Variants in FGF12 observed in about 807,000 individuals in gnomAD.
The protein encoded by FGF12 is fibroblast growth factor 12B.
In FGF12, 14 loss-of-function variants were observed where a neutral mutation model predicts 23.6. The observed-to-expected ratio is 0.59, with a 90% confidence interval of 0.39 to 0.93. FGF12 has a LOEUF of 0.93. FGF12 is among the 40% of genes least tolerant of loss of function. The pLI is 0.00. For synonymous variants in FGF12, 62 were observed against 77.3 expected (o/e 0.80, Z 1.04); for missense variants, 175 against 217.8 (o/e 0.80, Z 1.24).
At chr3:192,348,783 C>T (rs1192875455) in intron 3 of FGF12, among the ~76,000 whole-genome samples, 1 of 152,082 alleles carries the variant, frequency 6.6e-6, no homozygotes, top group Admixed American at 6.5e-5. Flanking sequence ...TCTTTAAGGC[C>T]ATGGACTAAT....
chr3:192,416,046 G>A (rs1191720725), intron 2 of FGF12, among the ~76,000 whole-genome samples: 2 of 151,960 alleles, frequency 1.3e-5, no homozygotes, highest in African/African-American at 4.8e-5. Context: ...CCCAGCACAT[G>A]ACTGACACTC....
rs186665617 is a variant in FGF12 at position 192,714,020 on chromosome 3, G to A, written c.13+13161C>T. Among the ~76,000 whole-genome samples the A allele has an allele frequency of 2.5e-3, 379 of 152,282 alleles. 2 individuals carry two copies. Among genetic ancestry groups the A allele is most frequent in the Non-Finnish European group, 4.4e-3 (297 of 68,028 alleles). Reference sequence around the variant, plus strand: ...AGCAAAACCCCATGGCGATGATTTCGTACCAGAGCAGTTCTGAGATACTTA... The same window carrying A: ...AGCAAAACCCCATGGCGATGATTTCATACCAGAGCAGTTCTGAGATACTTA... On this transcript the variant is annotated intron_variant, in intron 2 of 5. Transcript: ENST00000445105.
At chr3:192,724,405 G>C (rs1719144261) in intron 2 of FGF12, among the ~76,000 whole-genome samples, 1 of 152,108 alleles carries the variant, frequency 6.6e-6, no homozygotes, top group Non-Finnish European at 1.5e-5. Flanking sequence ...TAATTTCATT[G>C]GTATGCGGTG....
At chr3:192,348,549 A>C (rs1718067966) in intron 3 of FGF12, among the ~76,000 whole-genome samples, 2 of 152,186 alleles carry the variant, frequency 1.3e-5, no homozygotes, top group South Asian at 4.1e-4. Flanking sequence ...TAGCCTGTCT[A>C]AAGTAAACCT....
intron 2 of FGF12, among the ~76,000 whole-genome samples, chr3:192,567,803 C>T (rs7432961): frequency 3.1e-4 from 31 of 99,804 alleles, no homozygotes; most frequent in East Asian, 1.9e-3. Flanking sequence ...CTTTCTTTCT[C>T]TTTCTTTCTT....
chr3:192,279,808 T>C lies in FGF12; in HGVS notation c.228+55553A>G, dbSNP rs1246115647. On this transcript the variant is annotated intron_variant, in intron 4 of 5. Coordinates refer to ENST00000445105, the MANE Select transcript of FGF12 (RefSeq NM_004113.6). The stretch of plus-strand genomic sequence containing the variant: ...TACATTTTCTGGGCTTGAGTTTCCA[T>C]GTCGATTAAATTAAGGAAATGGACT... Among the ~76,000 whole-genome samples, 4 of 152,300 alleles carry C rather than the reference T, an allele frequency of 2.6e-5. No individual in the cohort carries two copies. The East Asian group carries it at 5.8e-4, about 22-fold the overall frequency.
intron 4 of FGF12, among the ~76,000 whole-genome samples, chr3:192,271,290 C>A (rs189646079): frequency 3.3e-5 from 5 of 152,260 alleles, no homozygotes; most frequent in Admixed American, 2.6e-4. Context: ...ATTCTTTTCT[C>A]CTGTATTCTG....
intron 2 of FGF12, among the ~76,000 whole-genome samples, chr3:192,600,429 T>G (rs1006568419): frequency 6.6e-6 from 1 of 152,062 alleles, no homozygotes; most frequent in Non-Finnish European, 1.5e-5. Flanking sequence ...GTGAAGAATA[T>G]CATCGGTATT....
intron 2 of FGF12, among the ~76,000 whole-genome samples, chr3:192,557,301 C>T (rs1711827337): frequency 6.7e-6 from 1 of 149,968 alleles, no homozygotes; most frequent in Admixed American, 6.6e-5. Context: ...AACCTTTAGC[C>T]AGAGTATGAA....
In FGF12 at chr3:192,427,193, C is replaced by A. The variant is rs539669714; in HGVS notation, c.14-66655G>T. On this transcript the variant is annotated intron_variant, in intron 2 of 5. Transcript: ENST00000445105. ...GTCAGGAGTTCGAGACCAGCCTGAC[C>A]AACATGGTGAAACCCCGTCTCTACT... Among the ~76,000 whole-genome samples the A allele has an allele frequency of 1.4e-4, 21 of 152,010 alleles. No homozygotes were observed. The East Asian group carries it at 3.7e-3, about 27-fold the overall frequency.
At chr3:192,423,369 A>G (rs762224286) in intron 2 of FGF12, among the ~76,000 whole-genome samples, 3 of 152,160 alleles carry the variant, frequency 2.0e-5, no homozygotes, top group Non-Finnish European at 4.4e-5. Context: ...ATAAGTATGT[A>G]TCTAGAAGAG....
chr3:192,245,307 G>A (rs1711515640), intron 4 of FGF12, among the ~76,000 whole-genome samples: 1 of 151,664 alleles, frequency 6.6e-6, no homozygotes, highest in South Asian at 2.1e-4. Context: ...TCAGAAAAAT[G>A]GGGTCTCGCT....
chr3:192,712,240 CAAGT>C (rs1315354069), intron 2 of FGF12, among the ~76,000 whole-genome samples: 2 of 150,926 alleles, frequency 1.3e-5, no homozygotes, highest in African/African-American at 4.9e-5. Flanking sequence ...AAAATATAAA[CAAGT>C]AAGATTTCCA....
chr3:192,640,796 TTTG>T (rs1715766152), intron 2 of FGF12, among the ~76,000 whole-genome samples: 2 of 17,228 alleles, frequency 1.2e-4, no homozygotes, highest in Non-Finnish European at 1.9e-4. Flanking sequence ...ACCCCTTTTT[TTTG>T]TTTGTTTGTT....
At chr3:192,588,311 C>A (rs1713464004) in intron 2 of FGF12, among the ~76,000 whole-genome samples, 1 of 129,408 alleles carries the variant, frequency 7.7e-6, no homozygotes, top group Non-Finnish European at 1.6e-5. Flanking sequence ...GATCGCGCCA[C>A]TGCACTCCAG....
intron 4 of FGF12, among the ~76,000 whole-genome samples, chr3:192,261,376 G>A (rs1712739024): frequency 6.6e-6 from 1 of 152,046 alleles, no homozygotes; most frequent in Non-Finnish European, 1.5e-5. Flanking sequence ...CAGCATCTAG[G>A]TAGTAAGAGA....
intron 2 of FGF12, among the ~76,000 whole-genome samples, chr3:192,606,619 T>C (rs1156978021): frequency 6.6e-6 from 1 of 152,206 alleles, no homozygotes; most frequent in Non-Finnish European, 1.5e-5. Context: ...ATGTACTTGA[T>C]TCTCATTACT....
At position 192,186,305 on chromosome 3, in the gene FGF12, T is replaced by C. The variant is rs150103131; in HGVS notation, c.229-15649A>G. 2.3e-3 allele frequency among the ~76,000 whole-genome samples: 353 copies of C among 152,306 alleles called. 1 individual carries two copies. Among genetic ancestry groups the C allele is most frequent in the Non-Finnish European group, 3.4e-3 (234 of 68,026 alleles). On this transcript the variant is annotated intron_variant, in intron 4 of 5. Transcript: ENST00000445105. ...TGTGAATCACTTAAGAGTAAATCCA[T>C]TGTTTTGATACATTCTAAAATGTCA...
At chr3:192,214,430 T>C (rs1189935553) in intron 4 of FGF12, among the ~76,000 whole-genome samples, 2 of 152,164 alleles carry the variant, frequency 1.3e-5, no homozygotes, top group Non-Finnish European at 2.9e-5. Context: ...GGGGAGGTAA[T>C]GGTACTGTCA....
Sources: allele counts gnomAD v4.1 joint callset (sites outside exome capture counted in the v4.1 genomes callset), GRCh38; gene constraint gnomAD v4.1.1; transcripts MANE v1.5; gene names NCBI Gene and HGNC (gene_info 2026-07-23, HGNC 2026-07-21).